NHSL1: variants seen among roughly 807,000 people sequenced by gnomAD.
The protein encoded by NHSL1 is NHS-like protein 1.
Under a neutral mutation model 95.0 loss-of-function variants are expected in NHSL1, and 48 were observed. That is an observed-to-expected ratio of 0.51 (90% CI 0.40 to 0.64). NHSL1 has a LOEUF of 0.64. Among genes scored for constraint, NHSL1 ranks in the 30% least tolerant of loss-of-function variants. NHSL1 has a pLI of 0.00. For missense variants in NHSL1, 1,971 were observed against 2,077.7 expected (o/e 0.95, Z 1.00); for synonymous variants, 783 against 833.9 (o/e 0.94, Z 1.05).
chr6:138,598,778 G>A (rs954407267), intron 1 of NHSL1, among the ~76,000 whole-genome samples: 77 of 152,104 alleles, frequency 5.1e-4, no homozygotes, highest in African/African-American at 1.8e-3. Flanking sequence ...TCTCTTTGTG[G>A]TAGGGTGGGT....
At chr6:138,623,934 C>G (rs901724628) in intron 1 of NHSL1, among the ~76,000 whole-genome samples, 16 of 152,132 alleles carry the variant, frequency 1.1e-4, no homozygotes, top group African/African-American at 3.9e-4. Flanking sequence ...GCATTCGCTC[C>G]ATCCTGCTGT....
intron 1 of NHSL1, among the ~76,000 whole-genome samples, chr6:138,633,265 G>A (rs1784843677): frequency 6.6e-6 from 1 of 152,132 alleles, no homozygotes; most frequent in Admixed American, 6.5e-5. Context: ...AGAGACAGGG[G>A]CAGAAAATTT....
intron 1 of NHSL1, among the ~76,000 whole-genome samples, chr6:138,539,675 T>A (rs940620147): frequency 1.3e-5 from 2 of 152,234 alleles, no homozygotes; most frequent in East Asian, 1.9e-4. Context: ...AGAGTTTAAC[T>A]GAAATCTTAG....
At position 138,442,113 on chromosome 6, in the gene NHSL1, C is replaced by G. The variant is rs1418215899; in HGVS notation, c.534G>C (p.Gly178=). Residue 178 remains glycine, a splice_region_variant and synonymous_variant, in exon 5 of 8, where the codon GGG becomes GGC. Coordinates refer to ENST00000343505, the MANE Select transcript of NHSL1 (RefSeq NM_001144060.2). The stretch of plus-strand genomic sequence containing the variant: ...GGCTGGCCTGGCGATCGAAATTCTC[C>G]CCTAATGTAGAGTAGTAGAACAAGC... ...QADVVPINIT[G]ENFDRQASLR... is the part of the protein sequence containing the mutation. 2 of 1,548,090 alleles carry G rather than the reference C, an allele frequency of 1.3e-6. No homozygotes were observed. Among genetic ancestry groups the G allele is most frequent in the African/African-American group, 1.4e-5 (1 of 72,896 alleles).
At chr6:138,645,786 G>A (rs1283600628) in intron 1 of NHSL1, among the ~76,000 whole-genome samples, 2 of 152,064 alleles carry the variant, frequency 1.3e-5, no homozygotes, top group Non-Finnish European at 2.9e-5. Context: ...GATTACAGGC[G>A]TGAGCCACCC....
chr6:138,539,919 G>C (rs940569373), intron 1 of NHSL1, among the ~76,000 whole-genome samples: 1 of 152,040 alleles, frequency 6.6e-6, no homozygotes, highest in African/African-American at 2.4e-5. Context: ...TTAAGAAACA[G>C]ATTTTGACTA....
At chr6:138,552,435 A>G (rs1434156384) in intron 1 of NHSL1, among the ~76,000 whole-genome samples, 1 of 151,854 alleles carries the variant, frequency 6.6e-6, no homozygotes, top group Non-Finnish European at 1.5e-5. Flanking sequence ...AGATATATAG[A>G]TATCTATATA....
chr6:138,447,239 C>A, intron 3 of NHSL1, 46 bp from the exon 4 acceptor site: 1 of 1,419,800 alleles, frequency 7.0e-7, no homozygotes, highest in Non-Finnish European at 9.5e-7. Context: ...AAAGAGCTGG[C>A]AGAAACATTT....
intron 1 of NHSL1, among the ~76,000 whole-genome samples, chr6:138,518,793 A>C (rs886064121): frequency 6.6e-6 from 1 of 152,122 alleles, no homozygotes; most frequent in African/African-American, 2.4e-5. Flanking sequence ...CAAGGCCAGC[A>C]GATCGCCTGA....
At chr6:138,549,936 T>C (rs1782937084), upstream of NHSL1, among the ~76,000 whole-genome samples, 3 of 151,944 alleles carry the variant, frequency 2.0e-5, no homozygotes, top group South Asian at 6.2e-4. Context: ...AAAGTTATCA[T>C]ATTAAAAAAA....
chr6:138,564,596 G>C (rs75853683), intron 1 of NHSL1, among the ~76,000 whole-genome samples: 1 of 151,634 alleles, frequency 6.6e-6, no homozygotes, highest in Non-Finnish European at 1.5e-5. Flanking sequence ...TCGAGTCCCA[G>C]ATGTGTTAAG....
intron 1 of NHSL1, among the ~76,000 whole-genome samples, chr6:138,657,121 C>T (rs61610193): frequency 1.3e-5 from 2 of 151,834 alleles, no homozygotes; most frequent in Non-Finnish European, 2.9e-5. Flanking sequence ...AAAAAAAAAA[C>T]CCCTGCATTG....
chr6:138,439,755 C>T (rs925295954), intron 5 of NHSL1, among the ~76,000 whole-genome samples: 11 of 151,828 alleles, frequency 7.2e-5, no homozygotes, highest in Non-Finnish European at 1.5e-4. Context: ...TTGACTGTCT[C>T]GTGTCTGGCA....
rs188305149 is a variant in NHSL1, at chr6:138,570,733, C to T, written c.202+977G>A. On this transcript the variant is annotated intron_variant, in intron 1 of 6. Coordinates refer to the NHSL1 transcript ENST00000427025. ...ATTCTCTCACGTTTCAGTAGTTTTG[C>T]TTTCCAAAGCAGGGGGAAGCACAGG... 6.7e-3 allele frequency among the ~76,000 whole-genome samples: 1,015 copies of T among 152,364 alleles called. 5 individuals carry two copies. The highest frequency in any genetic ancestry group is 7.9e-3 in the Non-Finnish European group (540 of 68,030).
At chr6:138,429,588 T>TA in intron 7 of NHSL1, 123 bp downstream of exon 7, 1 of 832,884 alleles carries the variant, frequency 1.2e-6, no homozygotes, top group Non-Finnish European at 1.8e-6. Flanking sequence ...AAATCAACAG[T>TA]AAAGTTAAGG....
In NHSL1 at chr6:138,424,943, T is replaced by C. The variant is rs1012699184; in HGVS notation, c.4086-127A>G. ...TTAAGATTCACTTTCAAAAAATTTA[T>C]TTTTGACTGGGCACAGTGGCTCACA... On this transcript the variant is annotated intron_variant, in intron 7 of 7. Coordinates refer to ENST00000343505, the MANE Select transcript of NHSL1 (RefSeq NM_001144060.2). The surrounding 1 kb of genome is among the most constrained non-coding windows in gnomAD (Gnocchi z 5.9). The C allele has an allele frequency of 6.2e-6, 5 of 807,394 alleles. No homozygotes were observed. Among genetic ancestry groups the C allele is most frequent in the Non-Finnish European group, 9.5e-6 (5 of 526,020 alleles). 50.0% of individuals were successfully genotyped at this position (807,394 alleles called of 1,614,324 possible).
intron 1 of NHSL1, among the ~76,000 whole-genome samples, chr6:138,551,422 G>A (rs1165976736): frequency 6.6e-6 from 1 of 152,136 alleles, no homozygotes; most frequent in African/African-American, 2.4e-5. Context: ...GCAAGAGATT[G>A]GAGATGCTGA....
intron 3 of NHSL1, chr6:138,464,221 C>T (rs990687065): frequency 3.2e-5 from 25 of 790,308 alleles, no homozygotes; most frequent in Admixed American, 1.0e-4. Flanking sequence ...GGCTGCTGGC[C>T]GCCAGCTTGG....
At chr6:138,426,827 G>A (rs1174398165) in intron 7 of NHSL1, among the ~76,000 whole-genome samples, 1 of 152,182 alleles carries the variant, frequency 6.6e-6, no homozygotes, top group Non-Finnish European at 1.5e-5. Context: ...CTACCATACA[G>A]GTTTCATGGT....
Sources: gnomAD v4.1 joint callset for allele counts (sites outside exome capture counted in the v4.1 genomes callset) on GRCh38, gnomAD v4.1.1 for gene constraint, Gnocchi (gnomAD v3.1) non-coding constraint, MANE v1.5 for transcripts, NCBI Gene and HGNC (gene_info 2026-07-23, HGNC 2026-07-21) for gene names.